Variants in RFWD3 observed in about 807,000 individuals in gnomAD.
The protein encoded by RFWD3 is E3 ubiquitin-protein ligase RFWD3.
Under a neutral mutation model 87.7 loss-of-function variants are expected in RFWD3, and 65 were observed. The observed-to-expected ratio is 0.74, with a 90% CI of 0.61 to 0.91. The LOEUF is 0.91. RFWD3 is among the 40% of genes least tolerant of loss of function. The probability of loss-of-function intolerance (pLI) is 0.00; values close to 1 mark genes in which losing one functional copy is unlikely to be tolerated. For missense variants in RFWD3, 1,078 were observed against 938.5 expected, an observed-to-expected ratio of 1.15 and a Z score of -1.94; for synonymous variants, 433 against 352.8, an observed-to-expected ratio of 1.23 and a Z score of -2.55.
intron 2 of RFWD3, among the ~76,000 whole-genome samples, chr16:74,653,615 C>A (rs976413571): frequency 6.6e-6 from 1 of 152,016 alleles, no homozygotes; most frequent in African/African-American, 2.4e-5. Context: ...AAGTTTGAGA[C>A]CAGACTAGCC....
Position 74,630,939 on chromosome 16 carries a change from C to G in RFWD3, c.1596G>C (p.Val532=). 6.2e-7 allele frequency: 1 copy of G among 1,610,352 alleles called. No homozygotes were observed. Among genetic ancestry groups the G allele is most frequent in the South Asian group, 1.1e-5 (1 of 90,146 alleles). Residue 532 remains valine (V), a synonymous_variant, in exon 10 of 13, where the codon GTG becomes GTC. Coordinates refer to ENST00000361070, the MANE Select transcript of RFWD3 (RefSeq NM_018124.4). ...GACGTCCAGCATTATAAGTCTGGAC[C>G]ACGGTATTTGTCTCCAGGCTGTGGA... is the stretch of plus-strand genomic sequence containing the variant. ...IKLTSLETNT[V]VQTYNAGRPV...
chr16:74,632,399 C>CAAAAA, intron 9 of RFWD3, 124 bp downstream of exon 9: 1 of 1,172,794 alleles, frequency 8.5e-7, no homozygotes. Context: ...CTCAAAAAAA[C>CAAAAA]AAAACAAAAC....
intron 1 of RFWD3, among the ~76,000 whole-genome samples, chr16:74,663,466 C>G (rs1961623129): frequency 6.6e-6 from 1 of 152,096 alleles, no homozygotes; most frequent in Non-Finnish European, 1.5e-5. Context: ...ATGAGGATGA[C>G]AGGTGACCTA....
chr16:74,645,519 T>C (rs1960051696), intron 4 of RFWD3, among the ~76,000 whole-genome samples: 1 of 152,180 alleles, frequency 6.6e-6, no homozygotes, highest in African/African-American at 2.4e-5. Flanking sequence ...TACCAAATAC[T>C]GTAGGCAACT....
chr16:74,631,567 G>A (rs774862468), intron 9 of RFWD3, among the ~76,000 whole-genome samples: 1 of 152,082 alleles, frequency 6.6e-6, no homozygotes, highest in Non-Finnish European at 1.5e-5. Flanking sequence ...AAGGCACGGA[G>A]CACACTCACA....
At chr16:74,650,666 T>A (rs1206804755) in intron 3 of RFWD3, among the ~76,000 whole-genome samples, 3 of 151,962 alleles carry the variant, frequency 2.0e-5, no homozygotes, top group African/African-American at 4.8e-5. Flanking sequence ...TTAGCTGAAA[T>A]TTTTCTATTA....
At chr16:74,650,650 C>G (rs745874781) in intron 3 of RFWD3, among the ~76,000 whole-genome samples, 1 of 151,962 alleles carries the variant, frequency 6.6e-6, no homozygotes, top group Non-Finnish European at 1.5e-5. Flanking sequence ...ATCGTTCCTG[C>G]TGCAATTAGC....
intron 12 of RFWD3, among the ~76,000 whole-genome samples, chr16:74,625,514 GA>G (rs34657625): frequency 2.7e-4 from 38 of 143,092 alleles, no homozygotes; most frequent in East Asian, 4.0e-4. Context: ...ACCGTCTCAA[GA>G]AAAAAAAAAA....
intron 1 of RFWD3, chr16:74,666,479 G>C (rs1264249023): frequency 6.6e-6 from 1 of 152,230 alleles, no homozygotes; most frequent in Non-Finnish European, 1.5e-5. Context: ...AGGGCCGGGC[G>C]ACCTCCCACC....
intron 1 of RFWD3, among the ~76,000 whole-genome samples, chr16:74,665,934 G>A (rs1961852777): frequency 1.3e-5 from 2 of 151,984 alleles, no homozygotes; most frequent in Admixed American, 1.3e-4. Context: ...CTGGCCTCAG[G>A]TGATCCGACT....
At chr16:74,626,600 A>G in intron 11 of RFWD3, 46 bp from the exon 12 acceptor site, 2 of 1,526,116 alleles carry the variant, frequency 1.3e-6, no homozygotes, top group Non-Finnish European at 9.0e-7. Flanking sequence ...ACGCTACACA[A>G]AAAATTAACC....
At position 74,644,404 on chromosome 16, in the gene RFWD3, G is replaced by C. The variant is rs776661298; in HGVS notation, c.1037C>G (p.Thr346Ser). Residue 346 changes from threonine to serine, a missense_variant, in exon 6 of 13, where the codon ACC becomes AGC. Thr to Ser is a moderately conservative substitution (Grantham distance 58, BLOSUM62 1). Coordinates refer to ENST00000361070, the MANE Select transcript of RFWD3 (RefSeq NM_018124.4). ...TTCACTAGTGTCCAAAGCTCTCAGG[G>C]TTCGGGCATAAAGGACGACAATGTC... is the stretch of plus-strand genomic sequence containing the variant. ...HSDIVVLYARTLRALDTSEQE... is the reference protein window; with the variant it reads ...HSDIVVLYARSLRALDTSEQE... The C allele has an allele frequency of 1.2e-6, 2 of 1,614,026 alleles. No individual in the cohort carries two copies. Among genetic ancestry groups the C allele is most frequent in the Non-Finnish European group, 1.7e-6 (2 of 1,180,048 alleles).
chr16:74,664,940 C>T (rs1351589073), intron 1 of RFWD3, among the ~76,000 whole-genome samples: 1 of 152,128 alleles, frequency 6.6e-6, no homozygotes, highest in African/African-American at 2.4e-5. Context: ...GTAGGCCAGT[C>T]GGAGGTGCCT....
At chr16:74,625,199 C>CA (rs61114405) in intron 12 of RFWD3, among the ~76,000 whole-genome samples, 59,050 of 121,632 alleles carry the variant, frequency 0.49, 14,639 homozygotes, top group African/African-American at 0.67. Context: ...GACCCTGTCT[C>CA]AAAAAAAAAA....
intron 6 of RFWD3, chr16:74,644,132 G>C: frequency 1.7e-6 from 1 of 579,786 alleles, no homozygotes; most frequent in South Asian, 2.1e-5. Context: ...TAATGTGCCA[G>C]ATCCTTGTGT....
Position 74,626,347 on chromosome 16 carries a change from G to A in RFWD3, c.2177C>T (p.Ala726Val). The change falls in exon 12 of 13, where the codon GCC becomes GTC. Residue 726 changes from alanine (A) to valine (V), a missense_variant. Coordinates refer to ENST00000361070, the MANE Select transcript of RFWD3 (RefSeq NM_018124.4). ...GTAAAAAAGTAACAGGCTCACCAGGGCAGAATTTGCTGCTTCATCCCCAGT... is the reference window on the plus strand; with the variant it reads ...GTAAAAAAGTAACAGGCTCACCAGGACAGAATTTGCTGCTTCATCCCCAGT... ...VCTGDEAANS[A>V]LLWDAASGSL... The A allele has an allele frequency of 6.2e-7, 1 of 1,613,546 alleles. No individual in the cohort carries two copies. The highest frequency in any genetic ancestry group is 8.5e-7 in the Non-Finnish European group (1 of 1,179,478).
Position 74,661,348 on chromosome 16 carries a change from G to A in RFWD3, c.102C>T (p.Ala34=). 1 of 1,614,104 alleles carries A rather than the reference G, an allele frequency of 6.2e-7. No individual in the cohort carries two copies. Among genetic ancestry groups the A allele is most frequent in the Non-Finnish European group, 8.5e-7 (1 of 1,180,018 alleles). Residue 34 remains alanine (A), a synonymous_variant, in exon 2 of 13, where the codon GCC becomes GCT. Transcript: ENST00000361070. ...AGMASSQGGP[A]LLQPVPADVV... Reference sequence around the variant, plus strand: ...CATCAGCAGGAACAGGCTGGAGGAGGGCTGGTCCCCCTTGGCTGCTGGCCA... The same window carrying A: ...CATCAGCAGGAACAGGCTGGAGGAGAGCTGGTCCCCCTTGGCTGCTGGCCA...
At position 74,622,928 on chromosome 16, in the gene RFWD3, A is replaced by C. The variant is rs1006854644; in HGVS notation, c.*1000T>G. 3 of 152,254 alleles carry C rather than the reference A, an allele frequency of 2.0e-5. No individual in the cohort carries two copies. The highest frequency in any genetic ancestry group is 4.4e-5 in the Non-Finnish European group (3 of 68,044). The allele number at this position is 152,254 out of a possible 1,614,324, so 9.4% of individuals were successfully genotyped here. A position where few individuals can be genotyped will look rare whatever the true frequency, so the allele number is the denominator to read the frequency against. ...CCCCTCAGTCTGAGGAATTGGCTTT[A>C]TTTAGATAGGAACTCTCAAAATGGG... is the stretch of plus-strand genomic sequence containing the variant. On this transcript the variant is annotated 3_prime_UTR_variant, in exon 13 of 13. Transcript: ENST00000361070.
intron 3 of RFWD3, 94 bp downstream of exon 3, chr16:74,651,826 A>T: frequency 9.2e-7 from 1 of 1,085,700 alleles, no homozygotes; most frequent in Non-Finnish European, 1.4e-6. Flanking sequence ...GAGAAAAGGG[A>T]AAGTGTCAAA....
Sources: gnomAD v4.1 joint callset for allele counts (sites outside exome capture counted in the v4.1 genomes callset) on GRCh38, gnomAD v4.1.1 for gene constraint, MANE v1.5 for transcripts, NCBI Gene and HGNC (gene_info 2026-07-23, HGNC 2026-07-21) for gene names.